The following CHD4 variants were observed in gnomAD, a reference collection of about 807,000 sequenced individuals.
CHD4 encodes the protein ATP-dependent chromatin remodeler CHD4.
Under a neutral mutation model 235.5 loss-of-function variants are expected in CHD4, and 35 were observed. The ratio of observed to expected loss-of-function variants is 0.15; its 90% CI spans 0.11 to 0.20. CHD4 has a LOEUF of 0.20. CHD4 is among the 10% of genes least tolerant of loss of function. The pLI, the probability that CHD4 is intolerant of heterozygous loss-of-function variation, is 1.00. For synonymous variants in CHD4, 900 were observed against 850.2 expected (o/e 1.06, Z -1.02); for missense variants, 1,329 against 2,432.3 (o/e 0.55, Z 9.54).
Position 6,581,272 on chromosome 12 carries a change from CA to C in CHD4, c.4779+18del. 6.2e-7 allele frequency: 1 copy of C among 1,613,912 alleles called. No individual in the cohort carries two copies. The highest frequency in any genetic ancestry group is 1.3e-5 in the African/African-American group (1 of 75,006). On this transcript the variant is annotated intron_variant, in intron 32 of 39. Transcript: ENST00000544040. Reference sequence around the variant, plus strand: ...ACACATTTGTCTTTAGTATGGCATTCAGTCACCCCATCTCTTACCTCAATGG... The same window carrying C: ...ACACATTTGTCTTTAGTATGGCATTCGTCACCCCATCTCTTACCTCAATGG...
At chr12:6,571,126 C>G (rs1297404251) in intron 38 of CHD4, 94 bp from the exon 39 acceptor site, 1 of 1,400,418 alleles carries the variant, frequency 7.1e-7, no homozygotes, top group African/African-American at 1.4e-5. Context: ...TCTCAGTGAC[C>G]AAGTAACTGT....
intron 19 of CHD4, 30 bp downstream of exon 19, chr12:6,592,363 T>TG: frequency 1.3e-6 from 2 of 1,553,492 alleles, no homozygotes; most frequent in Non-Finnish European, 8.7e-7. Flanking sequence ...GATGTCTAAA[T>TG]GGAGTCTGCT....
At chr12:6,597,001 G>A (rs775122590) in intron 12 of CHD4, among the ~76,000 whole-genome samples, 8 of 151,090 alleles carry the variant, frequency 5.3e-5, no homozygotes, top group Non-Finnish European at 1.0e-4. Context: ...CGAGTGCGGC[G>A]GCTCACGCCT....
chr12:6,602,595 G>T, intron 2 of CHD4, 98 bp from the exon 3 acceptor site: 1 of 1,449,226 alleles, frequency 6.9e-7, no homozygotes, highest in Non-Finnish European at 9.4e-7. Context: ...CCCACCTCTT[G>T]TCCCAGATTC....
chr12:6,600,160 T>C, intron 9 of CHD4, 57 bp downstream of exon 9: 1 of 1,597,122 alleles, frequency 6.3e-7, no homozygotes, highest in Non-Finnish European at 8.5e-7. Flanking sequence ...CGAAGAGCTT[T>C]ACTGTCCCAC....
chr12:6,596,429 C>T (rs1328473709), intron 12 of CHD4, among the ~76,000 whole-genome samples: 3 of 150,670 alleles, frequency 2.0e-5, no homozygotes, highest in Admixed American at 6.6e-5. Flanking sequence ...GCAGGCAGAT[C>T]GCTTGAGGCC....
chr12:6,598,790 C>A (rs1948541828), intron 10 of CHD4, among the ~76,000 whole-genome samples: 1 of 152,122 alleles, frequency 6.6e-6, no homozygotes, highest in South Asian at 2.1e-4. Flanking sequence ...GCCTGGGGGA[C>A]AGAGCAAGAC....
intron 2 of CHD4, among the ~76,000 whole-genome samples, chr12:6,605,315 G>A (rs1332479189): frequency 1.3e-5 from 2 of 152,098 alleles, no homozygotes; most frequent in African/African-American, 2.4e-5. Context: ...AAACATGAAG[G>A]TCAAGGAGAT....
chr12:6,583,664 C>T (rs762485123), intron 25 of CHD4: 33 of 354,990 alleles, frequency 9.3e-5, no homozygotes, highest in Non-Finnish European at 1.5e-4. Flanking sequence ...ACCCCTTGCA[C>T]TGATGCATAT....
At chr12:6,592,886 C>G (rs1948424614) in intron 17 of CHD4, 69 bp from the exon 18 acceptor site, 2 of 1,565,082 alleles carry the variant, frequency 1.3e-6, no homozygotes, top group South Asian at 1.2e-5. Context: ...TACAAAATTT[C>G]AAGTTTTTCA....
At chr12:6,583,162 G>A (rs761755684) in intron 26 of CHD4, 36 bp downstream of exon 26, 9 of 1,220,134 alleles carry the variant, frequency 7.4e-6, no homozygotes, top group Non-Finnish European at 1.0e-5. Flanking sequence ...CTAGTGGAAC[G>A]GCCCATGGGT....
rs1334974455 is a variant in CHD4 at position 6,570,295 on chromosome 12, G to A, written c.*381C>T. Reference sequence around the variant, plus strand: ...CCCACTCTGAATACCCCCCAAAAAGGAGAAAAGAAAACACAAAATAAACCA... The same window carrying A: ...CCCACTCTGAATACCCCCCAAAAAGAAGAAAAGAAAACACAAAATAAACCA... On this transcript the variant is annotated 3_prime_UTR_variant, in exon 40 of 40. Coordinates refer to ENST00000544040, the MANE Select transcript of CHD4 (RefSeq NM_001273.5). 3 of 235,776 alleles carry A rather than the reference G, an allele frequency of 1.3e-5. No individual in the cohort carries two copies. The highest frequency in any genetic ancestry group is 2.5e-5 in the Non-Finnish European group (3 of 120,680). 14.6% of individuals were successfully genotyped at this position (235,776 alleles called of 1,614,324 possible).
intron 33 of CHD4, chr12:6,580,712 A>AC: frequency 4.5e-6 from 1 of 221,312 alleles, no homozygotes; most frequent in South Asian, 1.8e-4. Context: ...TTGAAAAAAA[A>AC]AAAAAAAAAA....
intron 5 of CHD4, 22 bp from the exon 6 acceptor site, chr12:6,601,552 GC>G: frequency 6.2e-7 from 1 of 1,614,008 alleles, no homozygotes; most frequent in Non-Finnish European, 8.5e-7. Context: ...ATGCACAAGA[GC>G]AGAGGGAAAG....
In CHD4 at chr12:6,581,663, G is replaced by C; in HGVS notation, c.4667C>G (p.Pro1556Arg). The change falls in exon 31 of 40, where the codon CCT becomes CGT. Residue 1556 changes from proline to arginine, a missense_variant. Transcript: ENST00000544040. ...GGCAGACTTACCAGCAGGTGGGACAGGTGCAGGAGTGTTGGGCTGCGTGTC... is the reference window on the plus strand; with the variant it reads ...GGCAGACTTACCAGCAGGTGGGACACGTGCAGGAGTGTTGGGCTGCGTGTC... ...PGDTQPNTPA[P>R]VPPAEDGIKI... 1 of 1,612,776 alleles carries C rather than the reference G, an allele frequency of 6.2e-7. No homozygotes were observed. Among genetic ancestry groups the C allele is most frequent in the Non-Finnish European group, 8.5e-7 (1 of 1,178,978 alleles).
At position 6,599,928 on chromosome 12, in the gene CHD4, C is replaced by T. The variant is rs1948560900; in HGVS notation, c.1327G>A (p.Glu443Lys). The T allele has an allele frequency of 6.2e-7, 1 of 1,614,196 alleles. No individual in the cohort carries two copies. Among genetic ancestry groups the T allele is most frequent in the Non-Finnish European group, 8.5e-7 (1 of 1,180,022 alleles). ...ILEEVGGDLE[E>K]EDDHHMEFCR... ...AATTCCATATGGTGGTCATCCTCCT[C>T]TTCGAGGTCTCCCCCAACCTCTTCC... is the stretch of plus-strand genomic sequence containing the variant. The change falls in exon 10 of 40, where the codon GAG becomes AAG. Residue 443 changes from glutamate to lysine, a missense_variant. Around this residue, in one of 26 missense-constraint regions of CHD4, gnomAD observed 37 missense variants for 49.9 expected, o/e 0.74. Coordinates refer to ENST00000544040, the MANE Select transcript of CHD4 (RefSeq NM_001273.5).
At chr12:6,578,981 A>G (rs997966390) in intron 33 of CHD4, 64 bp from the exon 34 acceptor site, 278 of 1,460,144 alleles carry the variant, frequency 1.9e-4, no homozygotes, top group Non-Finnish European at 2.3e-4. Context: ...GTTGCACACT[A>G]TTATCCAATT....
chr12:6,602,194 G>A lies in CHD4; in HGVS notation c.223-19C>T, dbSNP rs1408914964. ...GCATACGCTGGAGCAGGGCAAGGGGGGAAGAGGGAGACAGACACACACATG... is the reference window on the plus strand; with the variant it reads ...GCATACGCTGGAGCAGGGCAAGGGGAGAAGAGGGAGACAGACACACACATG... On this transcript the variant is annotated intron_variant, in intron 3 of 39. Coordinates refer to ENST00000544040, the MANE Select transcript of CHD4 (RefSeq NM_001273.5). The A allele has an allele frequency of 6.2e-7, 1 of 1,612,944 alleles. No homozygotes were observed. The highest frequency in any genetic ancestry group is 8.5e-7 in the Non-Finnish European group (1 of 1,179,228).
intron 12 of CHD4, among the ~76,000 whole-genome samples, 179 bp downstream of exon 12, chr12:6,597,715 G>A (rs746715532): frequency 2.0e-5 from 3 of 151,504 alleles, no homozygotes; most frequent in Non-Finnish European, 2.9e-5. Flanking sequence ...GCAGTGAGCC[G>A]AGATCACGCC....
Sources: gnomAD v4.1 joint callset for allele counts (sites outside exome capture counted in the v4.1 genomes callset) on GRCh38, gnomAD v4.1.1 for gene constraint, gnomAD v4.1.1 regional missense constraint, MANE v1.5 for transcripts, NCBI Gene and HGNC (gene_info 2026-07-23, HGNC 2026-07-21) for gene names.